NECAP2: variants seen among roughly 807,000 people sequenced by gnomAD.
The protein encoded by NECAP2 is NECAP endocytosis associated 2.
A neutral mutation model predicts 37.8 loss-of-function variants in NECAP2; 38 were observed. The ratio of observed to expected loss-of-function variants is 1.01; its 90% CI spans 0.78 to 1.32. NECAP2 has a LOEUF of 1.32. NECAP2 is among the 40% of genes most tolerant of loss of function. The pLI, the probability that NECAP2 is intolerant of heterozygous loss-of-function variation, is 0.00. For synonymous variants in NECAP2, 121 were observed against 127.7 expected (o/e 0.95, Z 0.35); for missense variants, 316 against 334.5 (o/e 0.94, Z 0.43).
At chr1:16,442,241 G>A (rs1162999486) in intron 1 of NECAP2, among the ~76,000 whole-genome samples, 1 of 152,178 alleles carries the variant, frequency 6.6e-6, no homozygotes, top group Non-Finnish European at 1.5e-5. Context: ...GCCTCCCAAA[G>A]TGCTGGGATT....
chr1:16,449,331 G>C (rs767802049), intron 5 of NECAP2, 130 bp downstream of exon 5: 17 of 637,736 alleles, frequency 2.7e-5, no homozygotes, highest in Middle Eastern at 4.2e-4. Context: ...CCTTGTGCCA[G>C]GTCCTGCATC....
chr1:16,448,033 G>A (rs769879644), intron 3 of NECAP2, 27 bp from the exon 4 acceptor site: 25 of 1,614,132 alleles, frequency 1.5e-5, no homozygotes, highest in Non-Finnish European at 2.0e-5. Context: ...CCTTTGGAAG[G>A]TGGGTTGATC....
In NECAP2 at chr1:16,455,934, C is replaced by T. The variant is rs765771105; in HGVS notation, c.743+41C>T. 1.0e-5 allele frequency: 15 copies of T among 1,498,950 alleles called. No individual in the cohort carries two copies. The Admixed American group carries it at 1.2e-4, about 12-fold the overall frequency. The allele number at this position is 1,498,950 out of a possible 1,614,324, so 92.9% of individuals were successfully genotyped here. ...TTCTGCGGAGGGGCTGGGGCCAGGG[C>T]CGTTGCTCTACAAACCTGGTATTGT... is the stretch of plus-strand genomic sequence containing the variant. On this transcript the variant is annotated intron_variant, in intron 7 of 7. Transcript: ENST00000337132.
In NECAP2 at chr1:16,452,091, TC is replaced by T. The variant is rs543066368; in HGVS notation, c.667+83del. On this transcript the variant is annotated intron_variant, in intron 6 of 7. Coordinates refer to ENST00000337132, the MANE Select transcript of NECAP2 (RefSeq NM_018090.5). ...TCCCTGGCAGCCAGGCCCCATGGTT[TC>T]CCCCCCGTTACACACATGGATTGGT... 7.9e-5 allele frequency: 112 copies of T among 1,413,096 alleles called. 1 individual carries two copies. In the South Asian group the frequency reaches 1.4e-3, roughly 17 times the overall value. 87.5% of individuals were successfully genotyped at this position (1,413,096 alleles called of 1,614,324 possible).
In NECAP2 at chr1:16,459,077, C is replaced by G; in HGVS notation, c.*187C>G. 1 of 1,374,104 alleles carries G rather than the reference C, an allele frequency of 7.3e-7. No homozygotes were observed. The highest frequency in any genetic ancestry group is 1.4e-5 in the South Asian group (1 of 70,700). 85.1% of individuals were successfully genotyped at this position (1,374,104 alleles called of 1,614,324 possible). ...AAATTGGCACCGTGTCACACTGTTTCCTGGGATTCAAGTATGCAACCAGAA... is the reference window on the plus strand; with the variant it reads ...AAATTGGCACCGTGTCACACTGTTTGCTGGGATTCAAGTATGCAACCAGAA... On this transcript the variant is annotated 3_prime_UTR_variant, in exon 8 of 8. Transcript: ENST00000337132.
rs1344400612 is a variant in NECAP2, at chr1:16,447,868, A to C, written c.194-2A>C. 1 of 1,613,632 alleles carries C rather than the reference A, an allele frequency of 6.2e-7. No homozygotes were observed. Among genetic ancestry groups the C allele is most frequent in the Non-Finnish European group, 8.5e-7 (1 of 1,179,654 alleles). On this transcript the variant is annotated splice_acceptor_variant, in intron 2 of 7. Coordinates refer to ENST00000337132, the MANE Select transcript of NECAP2 (RefSeq NM_018090.5). LOFTEE classifies it high-confidence loss of function. ...AGCGCTCAGCCTAACCTGTGCTTTC[A>C]GGGGAGCTCTTTGCTCAGGCCCCGG... is the stretch of plus-strand genomic sequence containing the variant.
intron 4 of NECAP2, among the ~76,000 whole-genome samples, chr1:16,448,882 G>A (rs2086801151): frequency 6.6e-6 from 1 of 152,142 alleles, no homozygotes; most frequent in Non-Finnish European, 1.5e-5. Flanking sequence ...GGCATATTTT[G>A]CTGATGAGGA....
At chr1:16,454,536 A>G (rs1025616907) in intron 6 of NECAP2, among the ~76,000 whole-genome samples, 1 of 150,534 alleles carries the variant, frequency 6.6e-6, no homozygotes, top group African/African-American at 2.5e-5. Flanking sequence ...TTGTAATTTT[A>G]GTAGAGACAG....
At chr1:16,452,673 G>A (rs1168284704) in intron 6 of NECAP2, among the ~76,000 whole-genome samples, 1 of 152,156 alleles carries the variant, frequency 6.6e-6, no homozygotes. Flanking sequence ...GTGCTGAGGA[G>A]CCCTTAGGAG....
At chr1:16,448,219 C>T in intron 4 of NECAP2, 78 bp downstream of exon 4, 1 of 1,390,324 alleles carries the variant, frequency 7.2e-7, no homozygotes, top group Admixed American at 1.7e-5. Context: ...GTTAGGATAC[C>T]CAAGTGTTTG....
rs777614418 is a variant in NECAP2 at position 16,451,831 on chromosome 1, T to C, written c.490-7T>C. ...CGGGCTGATTTGCATTCCTCTTCCC[T>C]CTTTAGAACATGAAGAAGAAGGAAG... On this transcript the variant is annotated splice_polypyrimidine_tract_variant and splice_region_variant and intron_variant, in intron 5 of 7. Transcript: ENST00000337132. 70 of 1,613,952 alleles carry C rather than the reference T, an allele frequency of 4.3e-5. No individual in the cohort carries two copies. Among genetic ancestry groups the C allele is most frequent in the Admixed American group, 6.7e-5 (4 of 59,982 alleles).
intron 1 of NECAP2, 21 bp downstream of exon 1, chr1:16,440,874 C>G (rs759382778): frequency 1.3e-6 from 2 of 1,597,494 alleles, no homozygotes; most frequent in African/African-American, 2.7e-5. Flanking sequence ...ACCGCCAGAC[C>G]AGGCTAGCTC....
rs771166259 is a variant in NECAP2 at position 16,443,738 on chromosome 1, C to T, written c.193+6C>T. The T allele has an allele frequency of 4.4e-6, 7 of 1,607,784 alleles. No homozygotes were observed. The highest frequency in any genetic ancestry group is 1.7e-5 in the Admixed American group (1 of 59,596). ...GCTGGAGGACAGGACGTCAGGTAAC[C>T]GGAAGGGAGGCTGCATCAAGCTGAG... On this transcript the variant is annotated splice_donor_region_variant and intron_variant, in intron 2 of 7. Coordinates refer to ENST00000337132, the MANE Select transcript of NECAP2 (RefSeq NM_018090.5).
At chr1:16,440,952 T>C (rs2086682027) in intron 1 of NECAP2, 99 bp downstream of exon 1, 1 of 992,748 alleles carries the variant, frequency 1.0e-6, no homozygotes, top group Non-Finnish European at 1.6e-6. Flanking sequence ...CTGGCCAGTT[T>C]TGGGGCGAGG....
intron 6 of NECAP2, 180 bp from the exon 7 acceptor site, chr1:16,455,638 G>T: frequency 1.7e-6 from 1 of 599,242 alleles, no homozygotes; most frequent in Non-Finnish European, 3.0e-6. Flanking sequence ...GATGCTGGAA[G>T]TGTGGCAACT....
chr1:16,443,864 C>T, intron 2 of NECAP2, 132 bp downstream of exon 2: 2 of 684,100 alleles, frequency 2.9e-6, no homozygotes, highest in Non-Finnish European at 5.3e-6. Context: ...GTGTGTGTAC[C>T]TTTAAGCTGT....
intron 6 of NECAP2, among the ~76,000 whole-genome samples, chr1:16,454,510 C>A (rs1261661824): frequency 6.6e-6 from 1 of 152,052 alleles, no homozygotes; most frequent in Non-Finnish European, 1.5e-5. Context: ...CATGCACCAC[C>A]ATACCTGGCT....
chr1:16,456,127 T>A (rs113246251), intron 7 of NECAP2, among the ~76,000 whole-genome samples: 17 of 151,566 alleles, frequency 1.1e-4, no homozygotes, highest in Admixed American at 2.6e-4. Context: ...AGGTTCAAGC[T>A]ATTCTCCTGC....
At chr1:16,457,470 C>CA (rs200172981) in intron 7 of NECAP2, among the ~76,000 whole-genome samples, 9 of 151,694 alleles carry the variant, frequency 5.9e-5, no homozygotes, top group South Asian at 4.2e-4. Flanking sequence ...AATAAACAAA[C>CA]AAAAAAAACA....
Sources: gnomAD v4.1 joint callset for allele counts (sites outside exome capture counted in the v4.1 genomes callset) on GRCh38, gnomAD v4.1.1 for gene constraint, MANE v1.5 for transcripts, NCBI Gene and HGNC (gene_info 2026-07-23, HGNC 2026-07-21) for gene names.